CD244: variants seen among roughly 807,000 people sequenced by gnomAD.
CD244 encodes CD244 molecule.
Under a neutral mutation model 45.5 loss-of-function variants are expected in CD244, and 20 were observed. The ratio of observed to expected loss-of-function variants is 0.44; its 90% CI spans 0.31 to 0.64. The LOEUF (loss-of-function observed/expected upper bound fraction) is 0.64. Ranked by LOEUF, CD244 falls within the 30% of genes least tolerant of loss-of-function variation. CD244 has a pLI of 0.08. For synonymous variants in CD244, 185 were observed against 160.5 expected (o/e 1.15, Z -1.15); for missense variants, 407 against 426.9 (o/e 0.95, Z 0.41).
intron 3 of CD244, among the ~76,000 whole-genome samples, chr1:160,839,469 GA>G (rs1256875680): frequency 6.6e-6 from 1 of 152,184 alleles, no homozygotes; most frequent in Non-Finnish European, 1.5e-5. Context: ...TGGATTCAAT[GA>G]ATTGTGGATC....
intron 1 of CD244, among the ~76,000 whole-genome samples, chr1:160,851,495 GA>G (rs937197727): frequency 6.6e-6 from 1 of 151,176 alleles, no homozygotes; most frequent in South Asian, 2.1e-4. Context: ...TATCTATAAG[GA>G]AAAAAAACCT....
At chr1:160,840,680 C>A (rs188493156) in intron 3 of CD244, among the ~76,000 whole-genome samples, 1 of 152,156 alleles carries the variant, frequency 6.6e-6, no homozygotes, top group Admixed American at 6.5e-5. Flanking sequence ...GCTGCTGGTA[C>A]ATTAAGTCCC....
At chr1:160,862,247 T>G (rs1290960345) in intron 1 of CD244, among the ~76,000 whole-genome samples, 1 of 152,140 alleles carries the variant, frequency 6.6e-6, no homozygotes, top group Non-Finnish European at 1.5e-5. Context: ...AACCACCCAC[T>G]TCCTTGGGAC....
At chr1:160,850,052 A>C (rs1046827625) in intron 1 of CD244, among the ~76,000 whole-genome samples, 1 of 152,202 alleles carries the variant, frequency 6.6e-6, no homozygotes, top group African/African-American at 2.4e-5. Flanking sequence ...TTATTCACAA[A>C]CTATATACCT....
At chr1:160,839,918 G>A (rs1669472989) in intron 3 of CD244, among the ~76,000 whole-genome samples, 1 of 151,984 alleles carries the variant, frequency 6.6e-6, no homozygotes, top group Non-Finnish European at 1.5e-5. Flanking sequence ...AAAGATTTGT[G>A]TCACACATGT....
chr1:160,852,880 G>A (rs1415892309), intron 1 of CD244, among the ~76,000 whole-genome samples: 1 of 152,002 alleles, frequency 6.6e-6, no homozygotes, highest in Non-Finnish European at 1.5e-5. Context: ...AAAATTAGCT[G>A]GGCGTGGCAG....
Position 160,841,319 on chromosome 1 carries a change from C to T in CD244, c.546G>A (p.Glu182=), listed in dbSNP as rs781285743. ...QTAGNLTYLD[E]EVDINGTHTY... is the part of the protein sequence containing the mutation. ...TGTGAGTGCCATTAATGTCAACCTC[C>T]TCGTCCAGGTAGGTGAGGTTCCCTG... The change falls in exon 3 of 9, where the codon GAG becomes GAA. Residue 182 remains glutamate (E), a synonymous_variant. Coordinates refer to ENST00000368034, the MANE Select transcript of CD244 (RefSeq NM_016382.4). 3 of 1,614,206 alleles carry T rather than the reference C, an allele frequency of 1.9e-6. No individual in the cohort carries two copies. In the Admixed American group the frequency reaches 5.0e-5, roughly 27 times the overall value.
At position 160,861,818 on chromosome 1, in the gene CD244, C is replaced by G. The variant is rs567358124; in HGVS notation, c.61+799G>C. 2.7e-4 allele frequency among the ~76,000 whole-genome samples: 41 copies of G among 152,138 alleles called. No individual in the cohort carries two copies. In the South Asian group the frequency reaches 7.7e-3, roughly 29 times the overall value. On this transcript the variant is annotated intron_variant, in intron 1 of 8. Coordinates refer to ENST00000368034, the MANE Select transcript of CD244 (RefSeq NM_016382.4). ...CGCCACTGCACTCCAGCCTGGGTGA[C>G]AGAAGGAGACTCTGTCTCAAAAAAT...
intron 1 of CD244, among the ~76,000 whole-genome samples, chr1:160,853,481 T>C (rs577759233): frequency 6.6e-6 from 1 of 152,204 alleles, no homozygotes; most frequent in African/African-American, 2.4e-5. Flanking sequence ...CATCAAGCTG[T>C]TGATTTAAAT....
At chr1:160,840,030 G>A (rs1669477644) in intron 3 of CD244, among the ~76,000 whole-genome samples, 1 of 151,308 alleles carries the variant, frequency 6.6e-6, no homozygotes, top group Non-Finnish European at 1.5e-5. Flanking sequence ...ACTCTTAACA[G>A]CAATCCTGTG....
rs566560527 is a variant in CD244 at position 160,854,856 on chromosome 1, C to A, written c.61+7761G>T. Among the ~76,000 whole-genome samples the A allele has an allele frequency of 3.3e-5, 5 of 152,274 alleles. No individual in the cohort carries two copies. The East Asian group carries it at 9.6e-4, about 29-fold the overall frequency. On this transcript the variant is annotated intron_variant, in intron 1 of 8. Transcript: ENST00000368034. The stretch of plus-strand genomic sequence containing the variant: ...GCAAATAAAAAGGAGCTAGAGAGAA[C>A]ACCAGGTGTTGTTTTGATTTTTCAA...
intron 7 of CD244, among the ~76,000 whole-genome samples, chr1:160,833,406 G>C (rs1404242712): frequency 1.3e-5 from 2 of 152,110 alleles, no homozygotes; most frequent in Non-Finnish European, 2.9e-5. Context: ...TTCACACTGT[G>C]GCTCCAGCCT....
chr1:160,831,327 G>A lies in CD244; in HGVS notation c.*20C>T, dbSNP rs771509428. 1 of 1,597,444 alleles carries A rather than the reference G, an allele frequency of 6.3e-7. No homozygotes were observed. Among genetic ancestry groups the A allele is most frequent in the East Asian group, 2.2e-5 (1 of 44,780 alleles). ...AAAGCAGATGCTGATGTGCAAGAAA[G>A]GTGAGAATTGCTGCAGCAACTAGGA... is the stretch of plus-strand genomic sequence containing the variant. On this transcript the variant is annotated 3_prime_UTR_variant, in exon 9 of 9. Coordinates refer to ENST00000368034, the MANE Select transcript of CD244 (RefSeq NM_016382.4).
chr1:160,835,781 C>T (rs961320535), intron 6 of CD244, among the ~76,000 whole-genome samples: 1 of 152,274 alleles, frequency 6.6e-6, no homozygotes, highest in Middle Eastern at 3.4e-3. Flanking sequence ...ATTGCTAAGT[C>T]ATAATAAAAT....
intron 7 of CD244, 128 bp from the exon 8 acceptor site, chr1:160,832,703 GAATAGAA>G: frequency 6.5e-7 from 1 of 1,535,018 alleles, no homozygotes; most frequent in South Asian, 1.2e-5. Flanking sequence ...GCCAGAAAAT[GAATAGAA>G]TCTGTCACCC....
rs183223690 is a variant in CD244 at position 160,849,491 on chromosome 1, C to T, written c.62-7590G>A. 2.3e-3 allele frequency among the ~76,000 whole-genome samples: 356 copies of T among 152,130 alleles called. 4 individuals are homozygous for T. The highest frequency in any genetic ancestry group is 0.023 in the South Asian group (110 of 4,806). ...AACAGGCCCTGGTGTGTGATATTCC[C>T]GTCCCTGTGCCCATATGTTCTCATT... On this transcript the variant is annotated intron_variant, in intron 1 of 8. Transcript: ENST00000368034.
At chr1:160,838,876 A>G in intron 4 of CD244, 63 bp downstream of exon 4, 2 of 1,090,816 alleles carry the variant, frequency 1.8e-6, no homozygotes, top group Non-Finnish European at 2.7e-6. Flanking sequence ...CACTGGACGC[A>G]GGACAAAGTC....
chr1:160,838,269 C>T (rs1469763339), intron 5 of CD244, among the ~76,000 whole-genome samples, 182 bp downstream of exon 5: 3 of 152,212 alleles, frequency 2.0e-5, no homozygotes. Flanking sequence ...CCTTTTGTTT[C>T]CTCTTTTCCT....
At chr1:160,849,643 A>G (rs1319398336) in intron 1 of CD244, among the ~76,000 whole-genome samples, 2 of 152,236 alleles carry the variant, frequency 1.3e-5, no homozygotes, top group African/African-American at 2.4e-5. Flanking sequence ...AAAGGATTCC[A>G]TAATTACCTC....
Sources: allele counts gnomAD v4.1 joint callset (sites outside exome capture counted in the v4.1 genomes callset), GRCh38; gene constraint gnomAD v4.1.1; transcripts MANE v1.5; gene names NCBI Gene and HGNC (gene_info 2026-07-23, HGNC 2026-07-21).